RABGAP1L: variants seen among roughly 807,000 people sequenced by gnomAD.
RABGAP1L encodes RAB GTPase activating protein 1 like.
In RABGAP1L, 63 loss-of-function variants were observed where a neutral mutation model predicts 137.7. The observed-to-expected ratio is 0.46, with a 90% CI of 0.37 to 0.56. The LOEUF is 0.56. Ranked by LOEUF, RABGAP1L falls within the 20% of genes least tolerant of loss-of-function variation. RABGAP1L has a pLI of 0.00. For synonymous variants in RABGAP1L, 431 were observed against 433.7 expected (o/e 0.99, Z 0.08); for missense variants, 1,095 against 1,244.0 (o/e 0.88, Z 1.80).
In RABGAP1L at chr1:174,297,518, C is replaced by T. The variant is rs554046825; in HGVS notation, c.1324-7468C>T. Among the ~76,000 whole-genome samples the T allele has an allele frequency of 2.6e-5, 4 of 152,282 alleles. No homozygotes were observed. In the East Asian group the frequency reaches 7.7e-4, roughly 29 times the overall value. Reference sequence around the variant, plus strand: ...AATGAGCATTACGGTTGGAGTTTTTCTGGGGCGGCCCTTGCACCTGGCTGT... The same window carrying T: ...AATGAGCATTACGGTTGGAGTTTTTTTGGGGCGGCCCTTGCACCTGGCTGT... On this transcript the variant is annotated intron_variant, in intron 10 of 25. Coordinates refer to ENST00000681986, the MANE Select transcript of RABGAP1L (RefSeq NM_001366446.1).
At chr1:174,588,612 C>A (rs527902294) in intron 13 of RABGAP1L, among the ~76,000 whole-genome samples, 183 of 152,234 alleles carry the variant, frequency 1.2e-3, no homozygotes, top group Non-Finnish European at 2.2e-3. Context: ...CTCCCGCTAC[C>A]CTTCTCAACC....
chr1:174,427,286 G>A (rs1439332339), intron 13 of RABGAP1L, among the ~76,000 whole-genome samples: 6 of 151,584 alleles, frequency 4.0e-5, no homozygotes, highest in South Asian at 2.1e-4. Context: ...TCCCAACTTC[G>A]ATCTTCTAAT....
rs944885079 is a variant in RABGAP1L, at chr1:174,166,884, G to C, written c.-34+7227G>C. On this transcript the variant is annotated intron_variant, in intron 1 of 25. Coordinates refer to ENST00000681986, the MANE Select transcript of RABGAP1L (RefSeq NM_001366446.1). ...GGAAAATTTTGGAAATGTTGGTAAAGAAGTTGCTATAGTAAATAACTACTT... is the reference window on the plus strand; with the variant it reads ...GGAAAATTTTGGAAATGTTGGTAAACAAGTTGCTATAGTAAATAACTACTT... Among the ~76,000 whole-genome samples the C allele has an allele frequency of 3.3e-5, 5 of 152,200 alleles. No homozygotes were observed. The East Asian group carries it at 9.6e-4, about 29-fold the overall frequency.
chr1:174,484,466 G>T (rs1659437705), intron 13 of RABGAP1L, among the ~76,000 whole-genome samples: 1 of 152,170 alleles, frequency 6.6e-6, no homozygotes, highest in Non-Finnish European at 1.5e-5. Flanking sequence ...TATTACTCAA[G>T]AAATTTTTGC....
chr1:174,275,133 TG>T (rs1674873339), intron 8 of RABGAP1L: 1 of 152,070 alleles, frequency 6.6e-6, no homozygotes, highest in Admixed American at 6.6e-5. Context: ...AGAGCTGGCT[TG>T]GTAAAGTCTT....
rs79631037 is a variant in RABGAP1L, at chr1:174,517,754, A to G, written c.1711-119621A>G. Among the ~76,000 whole-genome samples the G allele has an allele frequency of 8.4e-3, 1,279 of 152,328 alleles. 11 individuals carry two copies. Among genetic ancestry groups the G allele is most frequent in the African/African-American group, 0.029 (1,206 of 41,586 alleles). On this transcript the variant is annotated intron_variant, in intron 13 of 25. Coordinates refer to ENST00000681986, the MANE Select transcript of RABGAP1L (RefSeq NM_001366446.1). Reference sequence around the variant, plus strand: ...CCTGAAGAATGTTTGTCTTTAATGTATCACATTGAAATTCCTTCTTATTAT... The same window carrying G: ...CCTGAAGAATGTTTGTCTTTAATGTGTCACATTGAAATTCCTTCTTATTAT...
chr1:174,547,974 T>G, intron 13 of RABGAP1L: 1 of 1,550,558 alleles, frequency 6.4e-7, no homozygotes, highest in Non-Finnish European at 8.7e-7. Flanking sequence ...CTTATACTTT[T>G]TGTTTTAGTT....
chr1:174,867,233 T>C (rs1247646682), intron 19 of RABGAP1L, among the ~76,000 whole-genome samples: 1 of 151,828 alleles, frequency 6.6e-6, no homozygotes, highest in African/African-American at 2.4e-5. Context: ...ATACAAAAAT[T>C]AGCCGGGTGT....
intron 13 of RABGAP1L, among the ~76,000 whole-genome samples, chr1:174,577,817 A>C (rs961143895): frequency 1.3e-5 from 2 of 152,214 alleles, no homozygotes; most frequent in African/African-American, 4.8e-5. Context: ...TATGCATTTG[A>C]AGGCCTACTT....
At chr1:174,318,620 CTTTCTTTCTTTCTTT>C (rs1268969356) in intron 11 of RABGAP1L, among the ~76,000 whole-genome samples, 18 of 141,400 alleles carry the variant, frequency 1.3e-4, no homozygotes, top group African/African-American at 4.9e-4. Flanking sequence ...TTCTTTCTTT[CTTTCTTTCTTTCTTT>C]TTCTTTCTTT....
intron 13 of RABGAP1L, among the ~76,000 whole-genome samples, chr1:174,460,659 A>G (rs566022521): frequency 4.6e-5 from 7 of 152,302 alleles, no homozygotes; most frequent in South Asian, 4.1e-4. Flanking sequence ...GATCCAGTTT[A>G]TCTTCACACT....
intron 19 of RABGAP1L, among the ~76,000 whole-genome samples, chr1:174,859,019 A>G (rs1649776737): frequency 1.3e-5 from 2 of 152,228 alleles, no homozygotes; most frequent in African/African-American, 4.8e-5. Flanking sequence ...TCAAAGACCT[A>G]ATGACAGAAA....
At chr1:174,357,777 C>T (rs1456040029) in intron 11 of RABGAP1L, among the ~76,000 whole-genome samples, 1 of 152,184 alleles carries the variant, frequency 6.6e-6, no homozygotes, top group Non-Finnish European at 1.5e-5. Context: ...GAAAAGTATA[C>T]ATTTAATGTC....
At chr1:174,751,905 A>G (rs1405643726) in intron 17 of RABGAP1L, among the ~76,000 whole-genome samples, 2 of 151,846 alleles carry the variant, frequency 1.3e-5, no homozygotes, top group Non-Finnish European at 2.9e-5. Context: ...GTTTTTTTTT[A>G]TTTTATTCTG....
At chr1:174,232,715 C>G (rs1045587715) in intron 4 of RABGAP1L, among the ~76,000 whole-genome samples, 1 of 150,552 alleles carries the variant, frequency 6.6e-6, no homozygotes, top group African/African-American at 2.4e-5. Context: ...CCCAAGAGAT[C>G]GTGCCACTGC....
At chr1:174,635,704 G>A (rs1572626041) in intron 13 of RABGAP1L, among the ~76,000 whole-genome samples, 1 of 152,128 alleles carries the variant, frequency 6.6e-6, no homozygotes, top group Non-Finnish European at 1.5e-5. Context: ...CCTCTGGATC[G>A]ATTTGTAATA....
chr1:174,590,277 A>G (rs1226981268), intron 13 of RABGAP1L, among the ~76,000 whole-genome samples: 1 of 149,438 alleles, frequency 6.7e-6, no homozygotes, highest in Non-Finnish European at 1.5e-5. Context: ...AATGAATATG[A>G]GACTGTAAAG....
chr1:174,874,411 G>T (rs1195663378), intron 19 of RABGAP1L: 1 of 956,398 alleles, frequency 1.0e-6, no homozygotes, highest in Non-Finnish European at 1.2e-6. Flanking sequence ...GCCCGGGGAC[G>T]GACAGCTAGC....
intron 13 of RABGAP1L, among the ~76,000 whole-genome samples, chr1:174,605,273 T>G (rs1455074727): frequency 6.6e-6 from 1 of 152,198 alleles, no homozygotes; most frequent in Non-Finnish European, 1.5e-5. Context: ...GAAGCTTTCC[T>G]AGGCATTTTT....
Sources: gnomAD v4.1 joint callset for allele counts (sites outside exome capture counted in the v4.1 genomes callset) on GRCh38, gnomAD v4.1.1 for gene constraint, MANE v1.5 for transcripts, NCBI Gene and HGNC (gene_info 2026-07-23, HGNC 2026-07-21) for gene names.